CHRM3: variants seen among roughly 807,000 people sequenced by gnomAD.
CHRM3 encodes the protein cholinergic receptor muscarinic 3, also known as muscarinic acetylcholine receptor M3.
Under a neutral mutation model 41.8 loss-of-function variants are expected in CHRM3, and 11 were observed. The ratio of observed to expected loss-of-function variants is 0.26; its 90% CI spans 0.17 to 0.44. The LOEUF (loss-of-function observed/expected upper bound fraction) is 0.44. CHRM3 is among the 20% of genes least tolerant of loss of function. The pLI is 1.00. For synonymous variants in CHRM3, 297 were observed against 301.4 expected (o/e 0.99, Z 0.15); for missense variants, 571 against 745.4 (o/e 0.77, Z 2.72).
chr1:239,877,154 A>T (rs2102842986), intron 6 of CHRM3, among the ~76,000 whole-genome samples: 1 of 152,354 alleles, frequency 6.6e-6, no homozygotes, highest in Non-Finnish European at 1.5e-5. Context: ...TATAAAAGGT[A>T]CTCATAGGTA....
chr1:239,534,177 A>T (rs966728133), intron 2 of CHRM3, among the ~76,000 whole-genome samples: 3 of 152,040 alleles, frequency 2.0e-5, no homozygotes, highest in Non-Finnish European at 4.4e-5. Flanking sequence ...AAAATACAAA[A>T]ATTAGCCAGG....
intron 4 of CHRM3, among the ~76,000 whole-genome samples, chr1:239,663,728 A>G (rs1673493478): frequency 6.6e-6 from 1 of 152,216 alleles, no homozygotes. Context: ...GCACTTCGTT[A>G]ATTGTAGAAT....
intron 3 of CHRM3, among the ~76,000 whole-genome samples, chr1:239,552,800 T>A (rs1054706910): frequency 6.6e-6 from 1 of 151,828 alleles, no homozygotes; most frequent in African/African-American, 2.4e-5. Flanking sequence ...CTGGAAGAAA[T>A]ATTTTTTATT....
intron 6 of CHRM3, among the ~76,000 whole-genome samples, chr1:239,831,176 A>G (rs1672869739): frequency 6.6e-6 from 1 of 152,040 alleles, no homozygotes. Flanking sequence ...ATGCACCCTC[A>G]CCAGTCAGGA....
At chr1:239,431,963 G>C (rs1191358513) in intron 1 of CHRM3, among the ~76,000 whole-genome samples, 1 of 152,062 alleles carries the variant, frequency 6.6e-6, no homozygotes, top group African/African-American at 2.4e-5. Context: ...TATAGAGTAG[G>C]AACCAGGCTC....
At chr1:239,622,455 T>C (rs557698127) in intron 3 of CHRM3, among the ~76,000 whole-genome samples, 1 of 152,300 alleles carries the variant, frequency 6.6e-6, no homozygotes, top group African/African-American at 2.4e-5. Context: ...AATACATTCA[T>C]GATTCTTGAG....
chr1:239,405,949 C>T (rs1447523126), intron 1 of CHRM3, among the ~76,000 whole-genome samples: 1 of 152,088 alleles, frequency 6.6e-6, no homozygotes, highest in Admixed American at 6.5e-5. Context: ...GTGCCGCGAT[C>T]TCAGCTCACT....
At chr1:239,616,845 T>A (rs993140684) in intron 3 of CHRM3, among the ~76,000 whole-genome samples, 1 of 110,110 alleles carries the variant, frequency 9.1e-6, no homozygotes, top group African/African-American at 4.8e-5. Flanking sequence ...ATCAGATTTT[T>A]AAAAATATTC....
chr1:239,690,052 G>T (rs546375403), intron 5 of CHRM3, among the ~76,000 whole-genome samples: 1 of 93,836 alleles, frequency 1.1e-5, no homozygotes, highest in African/African-American at 6.4e-5. Context: ...GACACAGAGA[G>T]AGAGAGAGAG....
At chr1:239,438,503 C>T (rs1171268730) in intron 1 of CHRM3, among the ~76,000 whole-genome samples, 2 of 152,170 alleles carry the variant, frequency 1.3e-5, no homozygotes, top group African/African-American at 4.8e-5. Context: ...TGGTGGCGTT[C>T]ACTTCTATAT....
At chr1:239,904,231 A>G (rs2103029649) in intron 6 of CHRM3, among the ~76,000 whole-genome samples, 1 of 152,336 alleles carries the variant, frequency 6.6e-6, no homozygotes, top group South Asian at 2.1e-4. Flanking sequence ...AAGGCCCTTC[A>G]GAGTACATGA....
intron 2 of CHRM3, among the ~76,000 whole-genome samples, chr1:239,501,956 A>G (rs561499374): frequency 6.6e-6 from 1 of 152,312 alleles, no homozygotes; most frequent in Admixed American, 6.5e-5. Flanking sequence ...ACAGCCCTCA[A>G]TGCTTACTTC....
At chr1:239,635,477 C>G (rs1670364909) in intron 4 of CHRM3, among the ~76,000 whole-genome samples, 1 of 152,208 alleles carries the variant, frequency 6.6e-6, no homozygotes, top group South Asian at 2.1e-4. Context: ...TGGCACTGAT[C>G]CCCTGGCTCT....
At chr1:239,540,118 C>A (rs1420051068) in intron 2 of CHRM3, among the ~76,000 whole-genome samples, 1 of 152,090 alleles carries the variant, frequency 6.6e-6, no homozygotes, top group East Asian at 1.9e-4. Context: ...ATGACGTTTG[C>A]ACAACAAGGA....
intron 1 of CHRM3, among the ~76,000 whole-genome samples, chr1:239,414,160 G>C (rs1276716611): frequency 6.6e-6 from 1 of 152,154 alleles, no homozygotes; most frequent in African/African-American, 2.4e-5. Flanking sequence ...GAATGTTGGG[G>C]CTCTGGCGTG....
At chr1:239,820,335 CTT>C (rs1458201685) in intron 5 of CHRM3, among the ~76,000 whole-genome samples, 1 of 152,010 alleles carries the variant, frequency 6.6e-6, no homozygotes, top group Non-Finnish European at 1.5e-5. Flanking sequence ...ATTTAATGGG[CTT>C]GAGGAACAGA....
intron 4 of CHRM3, among the ~76,000 whole-genome samples, chr1:239,642,870 T>C (rs535286154): frequency 1.3e-5 from 2 of 152,206 alleles, no homozygotes; most frequent in Non-Finnish European, 2.9e-5. Context: ...GTTTTTCTGC[T>C]CTGTTTTTTC....
chr1:239,729,464 A>G (rs1277498100), intron 5 of CHRM3, among the ~76,000 whole-genome samples: 1 of 151,930 alleles, frequency 6.6e-6, no homozygotes, highest in Middle Eastern at 3.2e-3. Flanking sequence ...TATTTTGCAG[A>G]CATTTTCTCA....
At position 239,849,743 on chromosome 1, in the gene CHRM3, G is replaced by C. The variant is rs541205201; in HGVS notation, c.-20+22365G>C. ...CACCTCTTATTCCCTCAGTTTCCGG[G>C]CCTTTAAAATGAGATAATAATGGTA... On this transcript the variant is annotated intron_variant, in intron 6 of 6. Transcript: ENST00000676153. 5.9e-5 allele frequency among the ~76,000 whole-genome samples: 9 copies of C among 152,140 alleles called. No homozygotes were observed. In the East Asian group the frequency reaches 1.7e-3, roughly 29 times the overall value.
Sources: gnomAD v4.1 joint callset for allele counts (sites outside exome capture counted in the v4.1 genomes callset) on GRCh38, gnomAD v4.1.1 for gene constraint, MANE v1.5 for transcripts, NCBI Gene and HGNC (gene_info 2026-07-23, HGNC 2026-07-21) for gene names.